Variants in CDK14 observed in about 807,000 individuals in gnomAD.
The protein encoded by CDK14 is cyclin dependent kinase 14, also known as cyclin-dependent kinase 14.
CDK14 carries 34 observed loss-of-function variants against 60.7 expected under a neutral mutation model. The observed-to-expected ratio is 0.56, with a 90% CI of 0.43 to 0.75. The LOEUF is 0.75. Ranked by LOEUF, CDK14 falls within the 30% of genes least tolerant of loss-of-function variation. The pLI, the probability that CDK14 is intolerant of heterozygous loss-of-function variation, is 0.00. For missense variants in CDK14, 482 were observed against 564.1 expected, an observed-to-expected ratio of 0.85 and a Z score of 1.47; for synonymous variants, 197 against 203.7, an observed-to-expected ratio of 0.97 and a Z score of 0.28.
intron 10 of CDK14, among the ~76,000 whole-genome samples, chr7:91,032,488 G>T (rs923388540): frequency 6.6e-6 from 1 of 152,140 alleles, no homozygotes; most frequent in Non-Finnish European, 1.5e-5. Context: ...GGTAATTATC[G>T]TTGAGTATCC....
rs144420885 is a variant in CDK14, at chr7:90,756,064, T to C, written c.464+8289T>C. ...CACAGGTAGTTAGTGGCAAAGTTTGTTTAGCTCATTCCCATCTGGTGGCTT... is the reference window on the plus strand; with the variant it reads ...CACAGGTAGTTAGTGGCAAAGTTTGCTTAGCTCATTCCCATCTGGTGGCTT... On this transcript the variant is annotated intron_variant, in intron 4 of 14. Transcript: ENST00000380050. Among the ~76,000 whole-genome samples, 531 of 152,318 alleles carry C rather than the reference T, an allele frequency of 3.5e-3. 4 individuals carry two copies. Among genetic ancestry groups the C allele is most frequent in the African/African-American group, 0.012 (505 of 41,568 alleles).
At chr7:91,154,362 C>CT (rs1409767345) in intron 14 of CDK14, among the ~76,000 whole-genome samples, 1 of 151,688 alleles carries the variant, frequency 6.6e-6, no homozygotes, top group Non-Finnish European at 1.5e-5. Context: ...CAAGTCCTAA[C>CT]TACATGATTC....
chr7:90,977,735 C>G (rs188636720), intron 9 of CDK14, among the ~76,000 whole-genome samples: 1 of 152,250 alleles, frequency 6.6e-6, no homozygotes, highest in African/African-American at 2.4e-5. Context: ...TCTTTGGAAA[C>G]AAGTCACTAA....
At position 90,876,591 on chromosome 7, in the gene CDK14, G is replaced by T. The variant is rs193108877; in HGVS notation, c.639+13322G>T. ...GTGCTGCTTCTAGGCTTTCCTCACT[G>T]CCAGTTTAGTATTCCATTTGGTTGG... On this transcript the variant is annotated intron_variant, in intron 6 of 14. Coordinates refer to ENST00000380050, the MANE Select transcript of CDK14 (RefSeq NM_001287135.2). Among the ~76,000 whole-genome samples the T allele has an allele frequency of 1.7e-3, 255 of 150,516 alleles. 1 individual carries two copies. The highest frequency in any genetic ancestry group is 3.4e-3 in the Middle Eastern group (1 of 294).
intron 5 of CDK14, among the ~76,000 whole-genome samples, chr7:90,844,271 C>A (rs1488210801): frequency 2.0e-5 from 3 of 152,180 alleles, no homozygotes; most frequent in South Asian, 2.1e-4. Context: ...TTTTGATAAA[C>A]CCTGACCTTC....
intron 5 of CDK14, chr7:90,824,890 A>G (rs1789670014): frequency 6.6e-6 from 1 of 152,248 alleles, no homozygotes; most frequent in Non-Finnish European, 1.5e-5. Context: ...ACTTGGAGTC[A>G]GATGGCCACA....
chr7:91,133,043 A>G (rs1414675561), intron 14 of CDK14, among the ~76,000 whole-genome samples: 1 of 152,156 alleles, frequency 6.6e-6, no homozygotes, highest in Non-Finnish European at 1.5e-5. Flanking sequence ...AATATTTCAT[A>G]TATTAAGATA....
chr7:90,921,292 C>T (rs1031946939), intron 8 of CDK14, among the ~76,000 whole-genome samples: 10 of 152,018 alleles, frequency 6.6e-5, no homozygotes, highest in African/African-American at 2.4e-4. Context: ...GATGCTCGTC[C>T]TTCTGCCTCT....
chr7:90,875,067 C>T (rs1791513390), intron 6 of CDK14, among the ~76,000 whole-genome samples: 1 of 152,136 alleles, frequency 6.6e-6, no homozygotes, highest in Non-Finnish European at 1.5e-5. Context: ...CTGTATGTCT[C>T]GATAGATTTG....
chr7:91,059,666 A>T (rs1444494012), intron 11 of CDK14, among the ~76,000 whole-genome samples: 6 of 152,208 alleles, frequency 3.9e-5, no homozygotes, highest in Non-Finnish European at 7.3e-5. Flanking sequence ...TTATGTACCC[A>T]GTAGTCATTC....
At chr7:90,802,482 CTT>C (rs1203884040) in intron 5 of CDK14, among the ~76,000 whole-genome samples, 4 of 152,304 alleles carry the variant, frequency 2.6e-5, no homozygotes, top group African/African-American at 9.6e-5. Flanking sequence ...TCCTCATGGT[CTT>C]CAAGCTATGT....
chr7:90,696,875 A>G (rs2116602609), intron 2 of CDK14, among the ~76,000 whole-genome samples: 1 of 152,234 alleles, frequency 6.6e-6, no homozygotes, highest in East Asian at 1.9e-4. Flanking sequence ...AGTAGGAGGA[A>G]AACTACGGGA....
intron 14 of CDK14, among the ~76,000 whole-genome samples, chr7:91,163,063 A>G (rs1177557187): frequency 1.3e-5 from 2 of 152,210 alleles, no homozygotes; most frequent in Admixed American, 6.5e-5. Flanking sequence ...TAAAACTAGC[A>G]CTTGTATATA....
At chr7:90,864,846 A>G (rs996590290) in intron 6 of CDK14, among the ~76,000 whole-genome samples, 8 of 152,146 alleles carry the variant, frequency 5.3e-5, no homozygotes, top group Non-Finnish European at 1.5e-5. Flanking sequence ...CCCTAGTCCA[A>G]TTCTTATGGA....
At chr7:90,619,973 G>T (rs1435524404) in intron 2 of CDK14, among the ~76,000 whole-genome samples, 2 of 152,174 alleles carry the variant, frequency 1.3e-5, no homozygotes, top group Non-Finnish European at 2.9e-5. Flanking sequence ...TCCAGCCTGG[G>T]TGACAGAGCA....
intron 5 of CDK14, among the ~76,000 whole-genome samples, chr7:90,814,449 C>T (rs567919799): frequency 5.9e-5 from 9 of 151,968 alleles, no homozygotes; most frequent in Admixed American, 5.3e-4. Flanking sequence ...ACTTGTTTAG[C>T]GAGAGAAAAT....
At chr7:90,690,559 C>T (rs1439654961) in intron 2 of CDK14, among the ~76,000 whole-genome samples, 2 of 151,766 alleles carry the variant, frequency 1.3e-5, no homozygotes, top group Admixed American at 6.6e-5. Flanking sequence ...AATAAAATAC[C>T]ACAACTTAAT....
At chr7:90,860,435 T>C (rs1274500868) in intron 5 of CDK14, among the ~76,000 whole-genome samples, 1 of 152,088 alleles carries the variant, frequency 6.6e-6, no homozygotes, top group East Asian at 1.9e-4. Context: ...TTTGTGGTAT[T>C]ATTTATAAAC....
At position 90,646,171 on chromosome 7, in the gene CDK14, C is replaced by A. The variant is rs1490172459; in HGVS notation, c.123+41922C>A. The stretch of plus-strand genomic sequence containing the variant: ...CCATCATATTTCTTGATTCACAAAG[C>A]TTAAGGGCAGGCAGGAGGATGTTCA... On this transcript the variant is annotated intron_variant, in intron 2 of 14. Coordinates refer to ENST00000380050, the MANE Select transcript of CDK14 (RefSeq NM_001287135.2). 3.3e-5 allele frequency among the ~76,000 whole-genome samples: 5 copies of A among 152,224 alleles called. No homozygotes were observed. In the East Asian group the frequency reaches 9.6e-4, roughly 29 times the overall value.
Sources: gnomAD v4.1 joint callset for allele counts (sites outside exome capture counted in the v4.1 genomes callset) on GRCh38, gnomAD v4.1.1 for gene constraint, MANE v1.5 for transcripts, NCBI Gene and HGNC (gene_info 2026-07-23, HGNC 2026-07-21) for gene names.